BAHD1: variants seen among roughly 807,000 people sequenced by gnomAD.
BAHD1 encodes the protein bromo adjacent homology domain-containing 1 protein.
Under a neutral mutation model 63.1 loss-of-function variants are expected in BAHD1, and 20 were observed. That is an observed-to-expected ratio of 0.32 (90% CI 0.22 to 0.46). The LOEUF (loss-of-function observed/expected upper bound fraction) is 0.46, where lower values mean the gene tolerates loss of function less well. BAHD1 is among the 20% of genes least tolerant of loss of function. The pLI is 1.00. For missense variants in BAHD1, 939 were observed against 1,071.8 expected, an observed-to-expected ratio of 0.88 and a Z score of 1.73; for synonymous variants, 408 against 426.8, an observed-to-expected ratio of 0.96 and a Z score of 0.54.
Position 40,459,771 on chromosome 15 carries a change from C to G in BAHD1, c.1307C>G (p.Ser436Cys), listed in dbSNP as rs1245922656. The change falls in exon 2 of 7, where the codon TCT becomes TGT. Residue 436 changes from serine to cysteine, a missense_variant. Around this residue, in one of 5 missense-constraint regions of BAHD1, gnomAD observed 797 missense variants for 813.3 expected, o/e 0.98. Transcript: ENST00000416165. ...TPFQHPPWGS[S>C]RYCSSEDTGV... ...TTCCAGCACCCTCCCTGGGGCTCCT[C>G]TCGCTACTGCTCTAGCGAGGACACT... 4 of 1,613,962 alleles carry G rather than the reference C, an allele frequency of 2.5e-6. No individual in the cohort carries two copies. The highest frequency in any genetic ancestry group is 1.3e-5 in the African/African-American group (1 of 75,082).
intron 1 of BAHD1, among the ~76,000 whole-genome samples, chr15:40,447,894 C>A (rs2470620): frequency 6.6e-6 from 1 of 152,154 alleles, no homozygotes; most frequent in Non-Finnish European, 1.5e-5. Flanking sequence ...GAAGCTCTCT[C>A]ATTTATTCAT....
At chr15:40,437,691 A>G (rs1893302128), upstream of BAHD1, among the ~76,000 whole-genome samples, 1 of 152,064 alleles carries the variant, frequency 6.6e-6, no homozygotes, top group South Asian at 2.1e-4. Context: ...GAGGGAGGAG[A>G]AAGTGGTCAC....
upstream of BAHD1, among the ~76,000 whole-genome samples, chr15:40,440,132 G>C (rs1277814011): frequency 6.6e-6 from 1 of 152,202 alleles, no homozygotes; most frequent in African/African-American, 2.4e-5. Context: ...ACCAGGCTCT[G>C]CTGTCAGCTG....
At chr15:40,441,832 C>A (rs1326667713) in intron 1 of BAHD1, among the ~76,000 whole-genome samples, 2 of 148,092 alleles carry the variant, frequency 1.4e-5, no homozygotes, top group South Asian at 4.3e-4. Context: ...GGGAGCTGAC[C>A]GGTTATTGCT....
At chr15:40,464,828 T>A in intron 5 of BAHD1, 1 of 488,968 alleles carries the variant, frequency 2.0e-6, no homozygotes, top group Admixed American at 3.4e-5. Flanking sequence ...GTGGATGTGT[T>A]CCCCTGGAAA....
In BAHD1 at chr15:40,467,614, A is replaced by C. The variant is rs1595867155; in HGVS notation, c.*1484A>C. On this transcript the variant is annotated 3_prime_UTR_variant, in exon 7 of 7. Transcript: ENST00000416165. The stretch of plus-strand genomic sequence containing the variant: ...GAAATGAACCCTGAGGGCTCCCCCA[A>C]CTTGCCATGCCCTGTCCCTTAGTAG... 6.5e-6 allele frequency: 1 copy of C among 152,826 alleles called. No homozygotes were observed. Among genetic ancestry groups the C allele is most frequent in the Non-Finnish European group, 1.5e-5 (1 of 68,226 alleles). The allele number at this position is 152,826 out of a possible 1,614,324, so 9.5% of individuals were successfully genotyped here. A position where few individuals can be genotyped will look rare whatever the true frequency, so the allele number is the denominator to read the frequency against.
At chr15:40,441,912 C>G (rs1000063701) in intron 1 of BAHD1, among the ~76,000 whole-genome samples, 3 of 151,490 alleles carry the variant, frequency 2.0e-5, no homozygotes, top group African/African-American at 7.3e-5. Context: ...AGACCCGACT[C>G]GATCGGGCTG....
Position 40,467,134 on chromosome 15 carries a change from CTG to C in BAHD1, c.*1006_*1007del, listed in dbSNP as rs1595866802. The C allele has an allele frequency of 6.5e-6, 1 of 152,810 alleles. No homozygotes were observed. Among genetic ancestry groups the C allele is most frequent in the East Asian group, 1.9e-4 (1 of 5,188 alleles). The allele number at this position is 152,810 out of a possible 1,614,324, so 9.5% of individuals were successfully genotyped here. Reference sequence around the variant, plus strand: ...ATTTACATCCTAGCAAGAATCAACACTGTATCAGTCCACGGACCTGCTGAGCT... The same window carrying C: ...ATTTACATCCTAGCAAGAATCAACACTATCAGTCCACGGACCTGCTGAGCT... On this transcript the variant is annotated 3_prime_UTR_variant, in exon 7 of 7. Transcript: ENST00000416165.
upstream of BAHD1, among the ~76,000 whole-genome samples, chr15:40,438,359 G>A (rs574060535): frequency 2.0e-5 from 3 of 152,308 alleles, no homozygotes; most frequent in Admixed American, 2.0e-4. Flanking sequence ...TGTAGCCCCT[G>A]CCTATTCTTT....
intron 3 of BAHD1, among the ~76,000 whole-genome samples, chr15:40,463,239 A>G (rs1227856749): frequency 1.3e-5 from 2 of 152,106 alleles, no homozygotes; most frequent in African/African-American, 4.8e-5. Flanking sequence ...CAGGAGGTTG[A>G]GGCTGCAGTG....
At position 40,459,229 on chromosome 15, in the gene BAHD1, G is replaced by A; in HGVS notation, c.765G>A (p.Lys255=). The A allele has an allele frequency of 1.2e-6, 2 of 1,612,310 alleles. No individual in the cohort carries two copies. Among genetic ancestry groups the A allele is most frequent in the Non-Finnish European group, 8.5e-7 (1 of 1,179,412 alleles). The change falls in exon 2 of 7, where the codon AAG becomes AAA. Residue 255 remains lysine (K), a synonymous_variant. Coordinates refer to ENST00000416165, the MANE Select transcript of BAHD1 (RefSeq NM_014952.5). ...CAAAGTGGCCCAAGGTCAATGGCAA[G>A]AACTATCCCAAGGCTTGGCAGGGGG... ...PRPKWPKVNG[K]NYPKAWQGAS...
At chr15:40,447,598 AT>A (rs1183814430) in intron 1 of BAHD1, among the ~76,000 whole-genome samples, 5 of 150,066 alleles carry the variant, frequency 3.3e-5, no homozygotes, top group African/African-American at 1.2e-4. Context: ...AAATAAATAA[AT>A]AAATAAATAA....
At chr15:40,465,812 G>A (rs1299143731) in intron 6 of BAHD1, 129 bp from the exon 7 acceptor site, 1 of 947,744 alleles carries the variant, frequency 1.1e-6, no homozygotes, top group Admixed American at 2.4e-5. Flanking sequence ...GGGATGGGTG[G>A]AGACAGTACC....
intron 4 of BAHD1, 147 bp downstream of exon 4, chr15:40,464,167 C>A: frequency 1.0e-6 from 1 of 987,474 alleles, no homozygotes; most frequent in Non-Finnish European, 1.5e-6. Flanking sequence ...GCTGGGGTCT[C>A]TCTGCTGCCG....
chr15:40,458,218 T>A lies in BAHD1; in HGVS notation c.-14-233T>A, dbSNP rs797011036. ...GCTCTTCAGGGGCTTAGTTCAGAGA[T>A]ACCCTAGGCTAAAAGGAAAGAGGAG... is the stretch of plus-strand genomic sequence containing the variant. On this transcript the variant is annotated intron_variant, in intron 1 of 6. Coordinates refer to ENST00000416165, the MANE Select transcript of BAHD1 (RefSeq NM_014952.5). The surrounding 1 kb of genome is among the most constrained non-coding windows in gnomAD (Gnocchi z 4.7). Among the ~76,000 whole-genome samples, 5 of 152,228 alleles carry A rather than the reference T, an allele frequency of 3.3e-5. No homozygotes were observed. The highest frequency in any genetic ancestry group is 1.2e-4 in the African/African-American group (5 of 41,542).
chr15:40,445,277 C>A (rs592976), intron 1 of BAHD1, among the ~76,000 whole-genome samples: 98,107 of 140,330 alleles, frequency 0.7, 35,376 homozygotes, highest in East Asian at 0.98. Flanking sequence ...AAAAAAAAAA[C>A]AACCCTTTCA....
intron 2 of BAHD1, among the ~76,000 whole-genome samples, chr15:40,461,467 A>G (rs1264181715): frequency 2.0e-5 from 3 of 152,122 alleles, no homozygotes; most frequent in Non-Finnish European, 4.4e-5. Flanking sequence ...GTGAAACCCT[A>G]TCTCTACTAA....
chr15:40,440,707 C>G (rs1025908241), upstream of BAHD1, among the ~76,000 whole-genome samples: 4 of 152,152 alleles, frequency 2.6e-5, no homozygotes, highest in Non-Finnish European at 5.9e-5. Flanking sequence ...CACGGCACCC[C>G]TCCCCCAAGG....
chr15:40,441,360 C>G (rs1234739782), intron 1 of BAHD1, 92 bp downstream of exon 1: 4 of 150,608 alleles, frequency 2.7e-5, no homozygotes, highest in Admixed American at 2.0e-4. Context: ...GGGAGAGCAC[C>G]GGCCGCCCGT....
Sources: allele counts gnomAD v4.1 joint callset (sites outside exome capture counted in the v4.1 genomes callset), GRCh38; gene constraint gnomAD v4.1.1; regional missense constraint gnomAD v4.1.1; non-coding constraint Gnocchi (gnomAD v3.1); transcripts MANE v1.5; gene names NCBI Gene and HGNC (gene_info 2026-07-23, HGNC 2026-07-21).